FNIP1: variants seen among roughly 807,000 people sequenced by gnomAD.
FNIP1 encodes folliculin interacting protein 1.
A neutral mutation model predicts 124.5 loss-of-function variants in FNIP1; 40 were observed. The observed-to-expected ratio is 0.32, with a 90% CI of 0.25 to 0.42. The LOEUF (loss-of-function observed/expected upper bound fraction) is 0.42. Among genes scored for constraint, FNIP1 ranks in the 10% least tolerant of loss-of-function variants. The pLI is 1.00. For synonymous variants in FNIP1, 472 were observed against 470.6 expected, an observed-to-expected ratio of 1.00 and a Z score of -0.04; for missense variants, 1,176 against 1,403.7, an observed-to-expected ratio of 0.84 and a Z score of 2.59.
chr5:131,688,325 C>T (rs1768354489), intron 11 of FNIP1, among the ~76,000 whole-genome samples: 2 of 150,538 alleles, frequency 1.3e-5, no homozygotes, highest in African/African-American at 4.9e-5. Context: ...GAAAGTGAGG[C>T]TTCTGGCACC....
intron 15 of FNIP1, among the ~76,000 whole-genome samples, chr5:131,663,787 T>C (rs1767515635): frequency 2.6e-5 from 4 of 152,242 alleles, no homozygotes; most frequent in East Asian, 1.9e-4. Flanking sequence ...GCTTGTTTAC[T>C]AGGTTTCTCA....
At chr5:131,698,332 A>ATCAG (rs1273094616) in intron 11 of FNIP1, among the ~76,000 whole-genome samples, 2 of 152,214 alleles carry the variant, frequency 1.3e-5, no homozygotes, top group Non-Finnish European at 2.9e-5. Flanking sequence ...AGGGAGACAT[A>ATCAG]TCAGTCACTT....
intron 7 of FNIP1, among the ~76,000 whole-genome samples, chr5:131,709,790 T>C (rs1225134427): frequency 6.6e-6 from 1 of 152,152 alleles, no homozygotes; most frequent in African/African-American, 2.4e-5. Flanking sequence ...ATTTTTGCCT[T>C]TTAAAAGTGT....
intron 1 of FNIP1, among the ~76,000 whole-genome samples, chr5:131,769,549 T>C (rs1337071424): frequency 6.6e-6 from 1 of 152,206 alleles, no homozygotes; most frequent in East Asian, 1.9e-4. Flanking sequence ...ATGAACCATA[T>C]TTATCTGAAA....
chr5:131,653,566 C>G (rs1234480635), intron 15 of FNIP1, among the ~76,000 whole-genome samples: 1 of 148,714 alleles, frequency 6.7e-6, no homozygotes, highest in Non-Finnish European at 1.5e-5. Context: ...ACTATACATA[C>G]AGTTATGTTT....
chr5:131,788,694 CAAAAAAA>C (rs10715343), intron 1 of FNIP1, among the ~76,000 whole-genome samples: 5 of 58,132 alleles, frequency 8.6e-5, no homozygotes, highest in East Asian at 1.1e-3. Flanking sequence ...GACTCTGTCT[CAAAAAAA>C]AAAAAAAAAA....
chr5:131,687,969 T>C (rs1042537852), intron 11 of FNIP1, among the ~76,000 whole-genome samples: 2 of 152,148 alleles, frequency 1.3e-5, no homozygotes, highest in Non-Finnish European at 2.9e-5. Flanking sequence ...CAAATAAAAC[T>C]ATTTTACCAG....
At chr5:131,714,699 T>C (rs1360313589) in intron 6 of FNIP1, among the ~76,000 whole-genome samples, 2 of 152,224 alleles carry the variant, frequency 1.3e-5, no homozygotes, top group African/African-American at 4.8e-5. Context: ...ACCATCTGAC[T>C]AATCCTTCAA....
intron 1 of FNIP1, among the ~76,000 whole-genome samples, chr5:131,777,015 T>C (rs1771832060): frequency 6.6e-6 from 1 of 152,112 alleles, no homozygotes; most frequent in Admixed American, 6.6e-5. Flanking sequence ...GAGGATCGCT[T>C]GAGCTGAGGA....
chr5:131,708,876 G>A (rs540551775), intron 8 of FNIP1, among the ~76,000 whole-genome samples: 1 of 150,762 alleles, frequency 6.6e-6, no homozygotes, highest in South Asian at 2.1e-4. Context: ...TTAGTTAGCA[G>A]CAAGCAAATA....
intron 15 of FNIP1, among the ~76,000 whole-genome samples, chr5:131,667,630 C>G (rs906812322): frequency 1.3e-5 from 2 of 151,920 alleles, no homozygotes; most frequent in African/African-American, 4.8e-5. Context: ...GCTCTGTTGC[C>G]CAGGCTGGAG....
chr5:131,733,681 A>C (rs1770183145), intron 2 of FNIP1, among the ~76,000 whole-genome samples: 1 of 152,168 alleles, frequency 6.6e-6, no homozygotes, highest in African/African-American at 2.4e-5. Context: ...GATGAAGCCC[A>C]CTTGATCATG....
At chr5:131,770,673 G>A (rs1171546395) in intron 1 of FNIP1, among the ~76,000 whole-genome samples, 7 of 152,280 alleles carry the variant, frequency 4.6e-5, no homozygotes, top group Middle Eastern at 3.4e-3. Flanking sequence ...GTAGAGAAGT[G>A]CCTTAACTTC....
At chr5:131,750,973 G>A (rs2149565264) in intron 1 of FNIP1, among the ~76,000 whole-genome samples, 1 of 152,264 alleles carries the variant, frequency 6.6e-6, no homozygotes, top group Non-Finnish European at 1.5e-5. Flanking sequence ...CACTGGATAT[G>A]TGGTCTTCTA....
At chr5:131,730,828 ATC>A in intron 3 of FNIP1, 74 bp downstream of exon 3, 1 of 1,201,678 alleles carries the variant, frequency 8.3e-7, no homozygotes, top group East Asian at 2.5e-5. Context: ...TTGCTATTAT[ATC>A]TCCACAGTCC....
chr5:131,688,060 C>T (rs972559662), intron 11 of FNIP1, among the ~76,000 whole-genome samples: 16 of 151,666 alleles, frequency 1.1e-4, no homozygotes, highest in African/African-American at 3.9e-4. Context: ...GAGGGGATGG[C>T]TAAGAAATAC....
intron 3 of FNIP1, among the ~76,000 whole-genome samples, chr5:131,728,774 G>T (rs907728029): frequency 1.3e-5 from 2 of 152,084 alleles, no homozygotes; most frequent in Non-Finnish European, 2.9e-5. Flanking sequence ...TCTGGTGTTT[G>T]GAATTTTCAG....
intron 1 of FNIP1, among the ~76,000 whole-genome samples, chr5:131,780,722 G>GT (rs1368434031): frequency 2.6e-5 from 4 of 152,112 alleles, no homozygotes; most frequent in African/African-American, 9.7e-5. Context: ...AACTTAATTG[G>GT]TAAGTGTTGT....
At chr5:131,773,097 T>C (rs116994200) in intron 1 of FNIP1, among the ~76,000 whole-genome samples, 2 of 152,302 alleles carry the variant, frequency 1.3e-5, no homozygotes, top group East Asian at 3.9e-4. Context: ...CAATTCTGAG[T>C]ACCTCTTCCT....
Sources: gnomAD v4.1 joint callset for allele counts (sites outside exome capture counted in the v4.1 genomes callset) on GRCh38, gnomAD v4.1.1 for gene constraint, MANE v1.5 for transcripts, NCBI Gene and HGNC (gene_info 2026-07-23, HGNC 2026-07-21) for gene names.